ANKRD42: variants seen among roughly 807,000 people sequenced by gnomAD.
ANKRD42 encodes ankyrin repeat domain-containing protein 42.
A neutral mutation model predicts 51.5 loss-of-function variants in ANKRD42; 43 were observed. That is an observed-to-expected ratio of 0.83 (90% CI 0.65 to 1.08). The LOEUF is 1.08. Ranked by LOEUF, ANKRD42 falls within the 50% of genes least tolerant of loss-of-function variation. ANKRD42 has a pLI of 0.00. For missense variants in ANKRD42, 608 were observed against 629.3 expected, an observed-to-expected ratio of 0.97 and a Z score of 0.36; for synonymous variants, 203 against 213.0, an observed-to-expected ratio of 0.95 and a Z score of 0.41.
intron 5 of ANKRD42, among the ~76,000 whole-genome samples, 196 bp from the exon 6 acceptor site, chr11:83,224,659 T>A (rs1395965733): frequency 1.3e-5 from 2 of 152,176 alleles, no homozygotes; most frequent in Non-Finnish European, 2.9e-5. Context: ...AGCTCCTGCC[T>A]GTACTCCCAG....
intron 7 of ANKRD42, among the ~76,000 whole-genome samples, chr11:83,228,231 CTTTTTTTTTTTTTTTTTT>C (rs11403803): frequency 7.8e-4 from 46 of 59,024 alleles, no homozygotes; most frequent in East Asian, 6.5e-3. Context: ...CTCTCTCTCT[CTTTTTTTTTTTTTTTTTT>C]TTTTTTTTTT....
chr11:83,219,003 C>T lies in ANKRD42; in HGVS notation c.587-5852C>T, dbSNP rs534894341. On this transcript the variant is annotated intron_variant, in intron 5 of 10. Coordinates refer to ENST00000533342, the MANE Select transcript of ANKRD42 (RefSeq NM_001300975.2). The stretch of plus-strand genomic sequence containing the variant: ...GGCAGTGGTACAGAAGAAAATTAGC[C>T]GCTTCTTTTTTAAGGTTTCAGGGTC... 1.3e-4 allele frequency among the ~76,000 whole-genome samples: 20 copies of T among 152,220 alleles called. No individual in the cohort carries two copies. In the South Asian group the frequency reaches 3.7e-3, roughly 28 times the overall value.
At chr11:83,219,597 G>T (rs921834097) in intron 5 of ANKRD42, among the ~76,000 whole-genome samples, 16 of 152,200 alleles carry the variant, frequency 1.1e-4, no homozygotes, top group African/African-American at 3.6e-4. Context: ...TCTCAAGGCG[G>T]TACCAGTATC....
chr11:83,201,153 C>G (rs1417450849), intron 2 of ANKRD42, among the ~76,000 whole-genome samples: 1 of 152,090 alleles, frequency 6.6e-6, no homozygotes, highest in Non-Finnish European at 1.5e-5. Context: ...TCCCCTAACC[C>G]TCCACCCCCC....
At chr11:83,199,401 C>CT (rs982202379) in intron 2 of ANKRD42, among the ~76,000 whole-genome samples, 77 of 151,712 alleles carry the variant, frequency 5.1e-4, no homozygotes, top group African/African-American at 1.8e-3. Context: ...TATTCTTTAG[C>CT]TTTTTTTTGT....
downstream of ANKRD42, chr11:83,262,032 T>A: frequency 9.0e-7 from 1 of 1,108,708 alleles, no homozygotes; most frequent in East Asian, 2.5e-5. Flanking sequence ...ATAAAGAGAA[T>A]AATGTTATCT....
At chr11:83,208,541 A>T (rs1862174587) in intron 3 of ANKRD42, among the ~76,000 whole-genome samples, 1 of 152,148 alleles carries the variant, frequency 6.6e-6, no homozygotes. Context: ...TCAGTTAGAG[A>T]TTTTTTGCTG....
downstream of ANKRD42, among the ~76,000 whole-genome samples, chr11:83,257,122 G>A (rs628223): frequency 0.72 from 108,776 of 152,034 alleles, 39,713 homozygotes; most frequent in African/African-American, 0.85. Context: ...ACTTGCTTAC[G>A]GACCCTTAGC....
intron 8 of ANKRD42, 102 bp from the exon 9 acceptor site, chr11:83,240,657 A>G: frequency 7.7e-7 from 1 of 1,292,246 alleles, no homozygotes; most frequent in Non-Finnish European, 1.1e-6. Context: ...GAGTGGATTG[A>G]TGGCAGGGTG....
intron 9 of ANKRD42, among the ~76,000 whole-genome samples, chr11:83,242,567 G>GTTTTTTTTTTTTTTTTTGT (rs1863421907): frequency 8.7e-6 from 1 of 115,546 alleles, no homozygotes; most frequent in African/African-American, 3.5e-5. Flanking sequence ...TGGTAGTTAA[G>GTTTTTTTTTTTTTTTTTGT]TTTTTTTTTT....
In ANKRD42 at chr11:83,194,665, T is replaced by C; in HGVS notation, c.-6T>C. 2 of 1,613,872 alleles carry C rather than the reference T, an allele frequency of 1.2e-6. No individual in the cohort carries two copies. Among genetic ancestry groups the C allele is most frequent in the Non-Finnish European group, 1.7e-6 (2 of 1,179,980 alleles). On this transcript the variant is annotated 5_prime_UTR_variant, in exon 1 of 11. Transcript: ENST00000533342. ...AACTCCTCCCCAGAGTCGGAGGTGTTGCGCCATGCCCGGGGTGGCCAATTC... is the reference window on the plus strand; with the variant it reads ...AACTCCTCCCCAGAGTCGGAGGTGTCGCGCCATGCCCGGGGTGGCCAATTC...
intron 3 of ANKRD42, among the ~76,000 whole-genome samples, chr11:83,207,300 G>C (rs1446181178): frequency 6.6e-6 from 1 of 152,220 alleles, no homozygotes; most frequent in African/African-American, 2.4e-5. Flanking sequence ...AATGAGATTT[G>C]AGGGGGAACA....
chr11:83,226,213 AC>A (rs1862878751), intron 6 of ANKRD42, among the ~76,000 whole-genome samples: 1 of 15,240 alleles, frequency 6.6e-5, no homozygotes, highest in Non-Finnish European at 1.3e-4. Context: ...GTACACATAC[AC>A]ACACACACAC....
intron 5 of ANKRD42, among the ~76,000 whole-genome samples, chr11:83,215,479 C>G (rs1862498797): frequency 6.6e-6 from 1 of 152,146 alleles, no homozygotes; most frequent in South Asian, 2.1e-4. Flanking sequence ...TTACAGCTGC[C>G]ATTTTGTTGC....
intron 5 of ANKRD42, among the ~76,000 whole-genome samples, chr11:83,219,496 G>T (rs188940644): frequency 9.9e-5 from 15 of 152,270 alleles, no homozygotes; most frequent in Admixed American, 3.3e-4. Flanking sequence ...AGTTTAAAGG[G>T]GGTGGTGGAT....
intron 9 of ANKRD42, among the ~76,000 whole-genome samples, chr11:83,243,106 GTTC>G (rs1228576235): frequency 6.6e-6 from 1 of 152,134 alleles, no homozygotes; most frequent in African/African-American, 2.4e-5. Context: ...GTGTATGAAT[GTTC>G]TTTTCTCCAC....
intron 10 of ANKRD42, among the ~76,000 whole-genome samples, chr11:83,247,338 G>C (rs1005413145): frequency 6.6e-6 from 1 of 152,034 alleles, no homozygotes; most frequent in Non-Finnish European, 1.5e-5. Flanking sequence ...CAAAGTGCTG[G>C]GGTTACAGAC....
intron 7 of ANKRD42, among the ~76,000 whole-genome samples, chr11:83,234,409 T>C (rs908514981): frequency 2.0e-5 from 3 of 152,216 alleles, no homozygotes; most frequent in Non-Finnish European, 4.4e-5. Flanking sequence ...CTTTTTAAAC[T>C]TGGTCTTAAA....
At chr11:83,264,091 G>A (rs1258053514), downstream of ANKRD42, among the ~76,000 whole-genome samples, 1 of 152,154 alleles carries the variant, frequency 6.6e-6, no homozygotes, top group African/African-American at 2.4e-5. Flanking sequence ...GGGCCACCAA[G>A]ATATGTGTGT....
Sources: gnomAD v4.1 joint callset for allele counts (sites outside exome capture counted in the v4.1 genomes callset) on GRCh38, gnomAD v4.1.1 for gene constraint, MANE v1.5 for transcripts, NCBI Gene and HGNC (gene_info 2026-07-23, HGNC 2026-07-21) for gene names.